The following PIK3C2G variants were observed in gnomAD, a reference collection of about 807,000 sequenced individuals.
The protein encoded by PIK3C2G is phosphatidylinositol 3-kinase C2 domain-containing subunit gamma.
Under a neutral mutation model 181.1 loss-of-function variants are expected in PIK3C2G, and 168 were observed. The ratio of observed to expected loss-of-function variants is 0.93; its 90% CI spans 0.82 to 1.05. PIK3C2G has a LOEUF of 1.05. Ranked by LOEUF, PIK3C2G falls within the 50% of genes least tolerant of loss-of-function variation. The pLI is 0.00. For missense variants in PIK3C2G, 1,869 were observed against 1,732.8 expected, an observed-to-expected ratio of 1.08 and a Z score of -1.40; for synonymous variants, 573 against 592.2, an observed-to-expected ratio of 0.97 and a Z score of 0.47.
chr12:18,299,374 T>A (rs1167402511), intron 5 of PIK3C2G, among the ~76,000 whole-genome samples: 2 of 151,990 alleles, frequency 1.3e-5, no homozygotes, highest in African/African-American at 4.8e-5. Flanking sequence ...ATGTTATTAA[T>A]TTTTGTGTGT....
intron 18 of PIK3C2G, among the ~76,000 whole-genome samples, chr12:18,480,901 G>A (rs972055796): frequency 6.6e-6 from 1 of 151,942 alleles, no homozygotes; most frequent in East Asian, 1.9e-4. Context: ...TAACACCTCT[G>A]GTTCACCCTT....
chr12:18,657,376 C>A, the PIK3C2G span, among the ~76,000 whole-genome samples: 1 of 152,052 alleles, frequency 6.6e-6, no homozygotes, highest in African/African-American at 2.4e-5. Flanking sequence ...CTGAGAAGAT[C>A]CAGAGCTCTT....
intron 24 of PIK3C2G, among the ~76,000 whole-genome samples, chr12:18,536,984 T>C (rs1395019088): frequency 6.6e-6 from 1 of 152,004 alleles, no homozygotes; most frequent in Non-Finnish European, 1.5e-5. Context: ...GATTACAAAA[T>C]AAAGTTTCTA....
chr12:18,567,124 G>A (rs914460021), intron 29 of PIK3C2G, 67 bp downstream of exon 29: 27 of 787,518 alleles, frequency 3.4e-5, no homozygotes, highest in Admixed American at 3.1e-4. Context: ...ATTCGTGAGT[G>A]TGGTGGTTTA....
intron 1 of PIK3C2G, among the ~76,000 whole-genome samples, chr12:18,266,857 TTTC>T (rs1297423920): frequency 7.8e-4 from 119 of 151,894 alleles, no homozygotes; most frequent in Non-Finnish European, 2.6e-4. Context: ...TTCTCTTCTT[TTTC>T]TTCATTTTTT....
At chr12:18,287,732 C>T (rs548490696) in intron 3 of PIK3C2G, among the ~76,000 whole-genome samples, 5 of 150,944 alleles carry the variant, frequency 3.3e-5, no homozygotes, top group South Asian at 2.1e-4. Flanking sequence ...GGTGTGGTGG[C>T]GTGCACCTGT....
chr12:18,619,788 G>C (rs1330531877), intron 31 of PIK3C2G, among the ~76,000 whole-genome samples: 1 of 147,944 alleles, frequency 6.8e-6, no homozygotes, highest in Non-Finnish European at 1.5e-5. Context: ...ATAGTGGCGC[G>C]ATCTCGGCTC....
chr12:18,277,256 T>C (rs185969764), intron 1 of PIK3C2G, among the ~76,000 whole-genome samples: 166 of 152,246 alleles, frequency 1.1e-3, no homozygotes, highest in African/African-American at 3.9e-3. Flanking sequence ...AAATATGATT[T>C]TCTGTGTGTG....
At chr12:18,679,522 C>T in the PIK3C2G span, among the ~76,000 whole-genome samples, 1 of 151,850 alleles carries the variant, frequency 6.6e-6, no homozygotes, top group Non-Finnish European at 1.5e-5. Context: ...AGATTAATAA[C>T]CCTGGTTCTG....
At chr12:18,498,426 G>A (rs1311736330) in intron 22 of PIK3C2G, among the ~76,000 whole-genome samples, 1 of 152,106 alleles carries the variant, frequency 6.6e-6, no homozygotes, top group Non-Finnish European at 1.5e-5. Context: ...CAATATCTAA[G>A]ATATCTTATA....
intron 24 of PIK3C2G, among the ~76,000 whole-genome samples, chr12:18,536,908 A>T (rs992751892): frequency 6.6e-6 from 1 of 152,134 alleles, no homozygotes; most frequent in African/African-American, 2.4e-5. Context: ...TGAAGAAATG[A>T]ATGAATATAA....
intron 5 of PIK3C2G, among the ~76,000 whole-genome samples, chr12:18,313,611 A>T (rs1950730500): frequency 6.6e-6 from 1 of 152,124 alleles, no homozygotes; most frequent in Non-Finnish European, 1.5e-5. Flanking sequence ...ATGGCTGGGT[A>T]AAACTAACTT....
intron 24 of PIK3C2G, among the ~76,000 whole-genome samples, chr12:18,510,210 A>G (rs1942116219): frequency 6.6e-6 from 1 of 152,154 alleles, no homozygotes; most frequent in African/African-American, 2.4e-5. Flanking sequence ...GGCTCAAACA[A>G]TTTGGACCTC....
intron 24 of PIK3C2G, among the ~76,000 whole-genome samples, chr12:18,526,769 A>G (rs991737702): frequency 2.6e-5 from 4 of 152,132 alleles, no homozygotes; most frequent in African/African-American, 9.7e-5. Flanking sequence ...TGGATGTTAC[A>G]AAGCGCTCTC....
At chr12:18,618,345 G>A (rs1948696361) in intron 31 of PIK3C2G, among the ~76,000 whole-genome samples, 1 of 152,102 alleles carries the variant, frequency 6.6e-6, no homozygotes. Flanking sequence ...ACAATTCTCA[G>A]CCTAATCCCT....
chr12:18,379,077 C>T (rs143187074), intron 13 of PIK3C2G, among the ~76,000 whole-genome samples: 1,993 of 151,992 alleles, frequency 0.013, 40 homozygotes, highest in African/African-American at 0.046. Context: ...ATGATTATTG[C>T]GGCACTATTC....
At chr12:18,622,003 G>C (rs188088001) in intron 31 of PIK3C2G, among the ~76,000 whole-genome samples, 1 of 151,730 alleles carries the variant, frequency 6.6e-6, no homozygotes, top group Non-Finnish European at 1.5e-5. Flanking sequence ...TTAATACAAC[G>C]TGGAATGATT....
At chr12:18,277,417 T>A (rs746257989) in intron 1 of PIK3C2G, among the ~76,000 whole-genome samples, 1 of 152,148 alleles carries the variant, frequency 6.6e-6, no homozygotes, top group Non-Finnish European at 1.5e-5. Flanking sequence ...CAGACTTCCT[T>A]TCCACCTCAC....
chr12:18,677,938 T>TTG, the PIK3C2G span, among the ~76,000 whole-genome samples: 1 of 151,976 alleles, frequency 6.6e-6, no homozygotes, highest in Non-Finnish European at 1.5e-5. Context: ...TGTGGTGTGT[T>TTG]TGTGTGTGTG....
Sources: gnomAD v4.1 joint callset for allele counts (sites outside exome capture counted in the v4.1 genomes callset) on GRCh38, gnomAD v4.1.1 for gene constraint, MANE v1.5 for transcripts, NCBI Gene and HGNC (gene_info 2026-07-23, HGNC 2026-07-21) for gene names.